MTUS2: variants seen among roughly 807,000 people sequenced by gnomAD.
MTUS2 encodes microtubule associated scaffold protein 2.
Under a neutral mutation model 114.1 loss-of-function variants are expected in MTUS2, and 40 were observed. The ratio of observed to expected loss-of-function variants is 0.35; its 90% confidence interval spans 0.27 to 0.46. The LOEUF (loss-of-function observed/expected upper bound fraction) is 0.46, where lower values mean the gene tolerates loss of function less well. Ranked by LOEUF, MTUS2 falls within the 20% of genes least tolerant of loss-of-function variation. The probability of loss-of-function intolerance (pLI) is 1.00; values close to 1 mark genes in which losing one functional copy is unlikely to be tolerated. For missense variants in MTUS2, 1,679 were observed against 1,705.4 expected (o/e 0.98, Z 0.27); for synonymous variants, 688 against 672.0 (o/e 1.02, Z -0.37).
intron 9 of MTUS2, among the ~76,000 whole-genome samples, chr13:29,464,649 T>C (rs1444289308): frequency 6.6e-6 from 1 of 152,154 alleles, no homozygotes; most frequent in Non-Finnish European, 1.5e-5. Flanking sequence ...GGGGGCTTGT[T>C]TGAAGTGCAG....
At position 28,896,947 on chromosome 13, in the gene MTUS2, C is replaced by T. The variant is rs565283690; in HGVS notation, c.-243+57097C>T. ...CATGTTAGACCTGAAACCATAAAAA[C>T]CCTAGAAGAAAACCTAGGCATTACC... is the stretch of plus-strand genomic sequence containing the variant. On this transcript the variant is annotated intron_variant, in intron 2 of 15. Coordinates refer to ENST00000612955, the MANE Select transcript of MTUS2 (RefSeq NM_001033602.4). Among the ~76,000 whole-genome samples, 68 of 152,310 alleles carry T rather than the reference C, an allele frequency of 4.5e-4. No individual in the cohort carries two copies. The South Asian group carries it at 0.014, about 31-fold the overall frequency.
intron 2 of MTUS2, among the ~76,000 whole-genome samples, chr13:28,876,010 G>C (rs188503384): frequency 5.4e-4 from 83 of 152,354 alleles, no homozygotes; most frequent in African/African-American, 2.0e-3. Flanking sequence ...CTGAAATGCT[G>C]CTATTTAAAT....
chr13:28,948,053 G>A (rs924068704), intron 2 of MTUS2, among the ~76,000 whole-genome samples: 1 of 152,130 alleles, frequency 6.6e-6, no homozygotes, highest in Non-Finnish European at 1.5e-5. Flanking sequence ...GTTCAAAGAT[G>A]ACAGATCATT....
intron 5 of MTUS2, among the ~76,000 whole-genome samples, chr13:29,172,473 G>A (rs1893603630): frequency 6.6e-6 from 1 of 152,202 alleles, no homozygotes; most frequent in African/African-American, 2.4e-5. Flanking sequence ...GAAGAAAATG[G>A]TGTAATGAAT....
At chr13:28,826,599 A>T (rs1874285943) in intron 1 of MTUS2, among the ~76,000 whole-genome samples, 1 of 152,206 alleles carries the variant, frequency 6.6e-6, no homozygotes, top group African/African-American at 2.4e-5. Context: ...CCAAACCAGT[A>T]TTGATGATGG....
At position 29,034,044 on chromosome 13, in the gene MTUS2, A is replaced by G; in HGVS notation, c.2365A>G (p.Ser789Gly). 6.2e-7 allele frequency: 1 copy of G among 1,614,004 alleles called. No individual in the cohort carries two copies. Among genetic ancestry groups the G allele is most frequent in the Non-Finnish European group, 8.5e-7 (1 of 1,179,910 alleles). The stretch of plus-strand genomic sequence containing the variant: ...TGCAAAGAGCAGGATTCTGATTGCA[A>G]GTCAGAGGTCTTCAGCGAGCGCCAT... ...PSAKSRILIA[S>G]QRSSASAIHP... Residue 789 changes from serine (S) to glycine (G), a missense_variant, in exon 4 of 16, where the codon AGT becomes GGT. Ser to Gly is a moderately conservative substitution (Grantham distance 56). This residue lies in a region of MTUS2 where 822 missense variants were observed against 899.7 expected (regional missense o/e 0.91). Coordinates refer to ENST00000612955, the MANE Select transcript of MTUS2 (RefSeq NM_001033602.4).
chr13:29,138,595 C>T (rs543497126), intron 5 of MTUS2, among the ~76,000 whole-genome samples: 3 of 151,004 alleles, frequency 2.0e-5, no homozygotes, highest in East Asian at 3.9e-4. Context: ...AGTGGGATGA[C>T]TAATGAGTGC....
intron 2 of MTUS2, among the ~76,000 whole-genome samples, chr13:28,935,204 T>C (rs541336192): frequency 1.3e-5 from 2 of 152,086 alleles, no homozygotes; most frequent in African/African-American, 2.4e-5. Context: ...TTCTACTGTT[T>C]AGGGACATTC....
At chr13:29,277,544 T>C (rs992888976) in intron 5 of MTUS2, among the ~76,000 whole-genome samples, 1 of 152,216 alleles carries the variant, frequency 6.6e-6, no homozygotes, top group Non-Finnish European at 1.5e-5. Flanking sequence ...CAGTATGGCA[T>C]TGGCACGGTG....
At chr13:28,936,658 G>C (rs887138961) in intron 2 of MTUS2, among the ~76,000 whole-genome samples, 2 of 152,064 alleles carry the variant, frequency 1.3e-5, no homozygotes, top group Non-Finnish European at 2.9e-5. Context: ...GTTGGAGGAG[G>C]GCGTGTGGGG....
At chr13:28,900,970 T>C (rs1360954035) in intron 2 of MTUS2, among the ~76,000 whole-genome samples, 1 of 152,224 alleles carries the variant, frequency 6.6e-6, no homozygotes, top group Non-Finnish European at 1.5e-5. Flanking sequence ...CCAAGCTGTG[T>C]TAGAGAGGCT....
At chr13:29,491,996 GGT>G (rs1164945516) in intron 11 of MTUS2, among the ~76,000 whole-genome samples, 1 of 126,936 alleles carries the variant, frequency 7.9e-6, no homozygotes, top group Admixed American at 8.1e-5. Flanking sequence ...TGTGGTGTAT[GGT>G]GTGTATGTGA....
intron 5 of MTUS2, among the ~76,000 whole-genome samples, chr13:29,231,970 A>G (rs1896341418): frequency 6.6e-6 from 1 of 152,114 alleles, no homozygotes; most frequent in Non-Finnish European, 1.5e-5. Context: ...AGGATATAAG[A>G]ATTTTTTTAC....
chr13:28,947,545 GC>G (rs1882596472), intron 2 of MTUS2, among the ~76,000 whole-genome samples: 1 of 151,220 alleles, frequency 6.6e-6, no homozygotes, highest in Non-Finnish European at 1.5e-5. Flanking sequence ...TTCGGCTTTT[GC>G]AAAAAAAAAT....
intron 5 of MTUS2, among the ~76,000 whole-genome samples, chr13:29,177,416 G>C (rs1005016300): frequency 1.3e-5 from 2 of 150,616 alleles, no homozygotes; most frequent in African/African-American, 5.0e-5. Context: ...ATTATCATAG[G>C]CCCTAAGGCT....
At chr13:29,161,055 T>C (rs1421877447) in intron 5 of MTUS2, among the ~76,000 whole-genome samples, 1 of 152,134 alleles carries the variant, frequency 6.6e-6, no homozygotes, top group Non-Finnish European at 1.5e-5. Flanking sequence ...AAAAGGGAAG[T>C]GTGAGAGACC....
Position 29,268,995 on chromosome 13 carries a change from A to T in MTUS2, c.2645-12709A>T, listed in dbSNP as rs190725296. ...AATCCTCCTGCCTTGTCCTCTCTTT[A>T]TGCTATTTTATATTTATTGTCTATC... On this transcript the variant is annotated intron_variant, in intron 5 of 15. Coordinates refer to ENST00000612955, the MANE Select transcript of MTUS2 (RefSeq NM_001033602.4). Among the ~76,000 whole-genome samples the T allele has an allele frequency of 2.5e-3, 382 of 152,224 alleles. 1 individual carries two copies. The highest frequency in any genetic ancestry group is 8.8e-3 in the African/African-American group (365 of 41,526).
At chr13:29,199,540 C>T (rs977019547) in intron 5 of MTUS2, among the ~76,000 whole-genome samples, 4 of 152,146 alleles carry the variant, frequency 2.6e-5, no homozygotes, top group South Asian at 2.1e-4. Context: ...GGGATAAAGC[C>T]GAGTTGATCA....
chr13:29,065,957 C>T (rs956769617), intron 4 of MTUS2, among the ~76,000 whole-genome samples: 1 of 152,104 alleles, frequency 6.6e-6, no homozygotes, highest in African/African-American at 2.4e-5. Context: ...CAGGTTTCCT[C>T]CCGCTTCCTC....
Sources: gnomAD v4.1 joint callset for allele counts (sites outside exome capture counted in the v4.1 genomes callset) on GRCh38, gnomAD v4.1.1 for gene constraint, gnomAD v4.1.1 regional missense constraint, MANE v1.5 for transcripts, NCBI Gene and HGNC (gene_info 2026-07-23, HGNC 2026-07-21) for gene names.